The following QRICH1 variants were observed in gnomAD, a reference collection of about 807,000 sequenced individuals.
QRICH1 encodes the protein transcriptional regulator QRICH1.
QRICH1 carries 16 observed loss-of-function variants against 87.1 expected under a neutral mutation model. That is an observed-to-expected ratio of 0.18 (90% CI 0.12 to 0.28). The LOEUF (loss-of-function observed/expected upper bound fraction) is 0.28. Among genes scored for constraint, QRICH1 ranks in the 10% least tolerant of loss-of-function variants. The pLI, the probability that QRICH1 is intolerant of heterozygous loss-of-function variation, is 1.00. For synonymous variants in QRICH1, 367 were observed against 368.4 expected (o/e 1.00, Z 0.05); for missense variants, 647 against 951.7 (o/e 0.68, Z 4.21).
chr3:49,078,550 AC>A (rs1216012076), intron 1 of QRICH1, among the ~76,000 whole-genome samples: 1 of 148,062 alleles, frequency 6.8e-6, no homozygotes, highest in Non-Finnish European at 1.5e-5. Flanking sequence ...GCCCACCACC[AC>A]GCCCAGCTAA....
intron 1 of QRICH1, among the ~76,000 whole-genome samples, chr3:49,087,956 A>ATT (rs1338742200): frequency 2.9e-5 from 4 of 137,928 alleles, no homozygotes; most frequent in Admixed American, 7.3e-5. Context: ...TATTTCATTT[A>ATT]TTTTTTTTTT....
intron 6 of QRICH1, among the ~76,000 whole-genome samples, chr3:49,041,365 T>C (rs1250020265): frequency 6.6e-6 from 1 of 151,940 alleles, no homozygotes; most frequent in Non-Finnish European, 1.5e-5. Context: ...GTGTGTGTTT[T>C]ATTTTTTGGT....
intron 1 of QRICH1, among the ~76,000 whole-genome samples, chr3:49,087,822 A>AAAAAAAAAAAAAAAG: frequency 6.9e-6 from 1 of 145,502 alleles, no homozygotes; most frequent in African/African-American, 2.6e-5. Context: ...TCATCTCAAA[A>AAAAAAAAAAAAAAAG]AAAAAAAAAA....
intron 2 of QRICH1, among the ~76,000 whole-genome samples, chr3:49,074,639 C>A (rs191826553): frequency 1.3e-5 from 2 of 151,766 alleles, no homozygotes; most frequent in Admixed American, 6.6e-5. Context: ...AAACCCAGTA[C>A]CAAAAGATCT....
At chr3:49,061,185 T>A (rs2093432741) in intron 2 of QRICH1, among the ~76,000 whole-genome samples, 1 of 133,270 alleles carries the variant, frequency 7.5e-6, no homozygotes. Flanking sequence ...CCTAATGATG[T>A]GAGGTGAAAC....
chr3:49,088,378 T>A (rs937008825), intron 1 of QRICH1, among the ~76,000 whole-genome samples: 1 of 151,984 alleles, frequency 6.6e-6, no homozygotes, highest in South Asian at 2.1e-4. Context: ...CAATGCAACC[T>A]CCGTTTCCCA....
chr3:49,032,498 G>C, intron 8 of QRICH1, 124 bp downstream of exon 8: 2 of 1,282,890 alleles, frequency 1.6e-6, no homozygotes, highest in African/African-American at 1.5e-5. Context: ...TGGGGAGAAG[G>C]GAGTGGAGAA....
At chr3:49,067,843 C>A (rs911118147) in intron 2 of QRICH1, among the ~76,000 whole-genome samples, 1 of 151,574 alleles carries the variant, frequency 6.6e-6, no homozygotes, top group African/African-American at 2.4e-5. Context: ...AAAATTAGCT[C>A]AGAAGGCGGA....
intron 2 of QRICH1, among the ~76,000 whole-genome samples, chr3:49,066,716 A>G (rs1414525234): frequency 6.6e-6 from 1 of 152,082 alleles, no homozygotes; most frequent in Non-Finnish European, 1.5e-5. Context: ...AAAATGAGTT[A>G]TTATCTGATC....
chr3:49,032,449 G>A (rs1265510695), intron 8 of QRICH1, 173 bp downstream of exon 8: 6 of 908,656 alleles, frequency 6.6e-6, no homozygotes, highest in African/African-American at 1.7e-5. Context: ...TCTGTCTGGG[G>A]CTTCTCTGCT....
chr3:49,057,112 C>G lies in QRICH1; in HGVS notation c.1088G>C (p.Gly363Ala), dbSNP rs765100231. 14 of 1,614,208 alleles carry G rather than the reference C, an allele frequency of 8.7e-6. No homozygotes were observed. Among genetic ancestry groups the G allele is most frequent in the Admixed American group, 8.3e-5 (5 of 60,020 alleles). ...KLEDDKEKMV[G>A]TTSVVKNSHE... Reference sequence around the variant, plus strand: ...GGAGTTTTTCACTACAGATGTGGTGCCCACCATCTTCTCCTTGTCATCCTC... The same window carrying G: ...GGAGTTTTTCACTACAGATGTGGTGGCCACCATCTTCTCCTTGTCATCCTC... The change falls in exon 3 of 10, where the codon GGC (glycine) becomes GCC (alanine). Residue 363 changes from glycine to alanine, a missense_variant. Around this residue, in one of 7 missense-constraint regions of QRICH1, gnomAD observed 115 missense variants for 126.8 expected, o/e 0.91. Coordinates refer to ENST00000395443, the MANE Select transcript of QRICH1 (RefSeq NM_198880.3). The surrounding 1 kb of genome is among the most constrained non-coding windows in gnomAD (Gnocchi z 5.4).
chr3:49,074,865 G>A (rs1412398630), intron 2 of QRICH1, among the ~76,000 whole-genome samples: 2 of 151,828 alleles, frequency 1.3e-5, no homozygotes, highest in African/African-American at 2.4e-5. Context: ...TGTAGTCCCA[G>A]CTACCTGGGA....
At chr3:49,081,922 C>T (rs1332455349) in intron 1 of QRICH1, among the ~76,000 whole-genome samples, 1 of 152,126 alleles carries the variant, frequency 6.6e-6, no homozygotes, top group Non-Finnish European at 1.5e-5. Context: ...ATTCTCCTGC[C>T]TCAGTCTCCA....
chr3:49,071,636 A>G (rs1374717313), intron 2 of QRICH1, among the ~76,000 whole-genome samples: 2 of 152,200 alleles, frequency 1.3e-5, no homozygotes, highest in East Asian at 3.9e-4. Context: ...GTGGTAAGGA[A>G]GAGGAGGTCA....
intron 1 of QRICH1, among the ~76,000 whole-genome samples, chr3:49,083,904 C>T (rs929031994): frequency 2.0e-5 from 3 of 151,458 alleles, no homozygotes; most frequent in South Asian, 2.1e-4. Flanking sequence ...CAGGTTCAAG[C>T]GATTCTCCTG....
chr3:49,039,121 C>G (rs2106834736), intron 6 of QRICH1, among the ~76,000 whole-genome samples: 1 of 152,234 alleles, frequency 6.6e-6, no homozygotes, highest in East Asian at 1.9e-4. Flanking sequence ...CTTTAGGAGG[C>G]TGAGGCGGGT....
intron 1 of QRICH1, among the ~76,000 whole-genome samples, chr3:49,081,501 T>A (rs1373506910): frequency 6.6e-6 from 1 of 152,140 alleles, no homozygotes; most frequent in Non-Finnish European, 1.5e-5. Context: ...ACCCCTGATT[T>A]TTTGTTGTTG....
chr3:49,075,079 T>C (rs2041924340), intron 2 of QRICH1, among the ~76,000 whole-genome samples: 1 of 151,422 alleles, frequency 6.6e-6, no homozygotes, highest in Non-Finnish European at 1.5e-5. Flanking sequence ...CTCAGCTCTT[T>C]GGGAGGCCAA....
At chr3:49,078,737 G>A (rs1178238042) in intron 1 of QRICH1, among the ~76,000 whole-genome samples, 2 of 118,876 alleles carry the variant, frequency 1.7e-5, no homozygotes, top group East Asian at 2.4e-4. Flanking sequence ...TCCCTCTGTC[G>A]CCCAGGCTGG....
Sources: allele counts gnomAD v4.1 joint callset (sites outside exome capture counted in the v4.1 genomes callset), GRCh38; gene constraint gnomAD v4.1.1; regional missense constraint gnomAD v4.1.1; non-coding constraint Gnocchi (gnomAD v3.1); transcripts MANE v1.5; gene names NCBI Gene and HGNC (gene_info 2026-07-23, HGNC 2026-07-21).